Variants in CDON observed in about 807,000 individuals in gnomAD.
CDON encodes cell adhesion molecule-related/down-regulated by oncogenes.
In CDON, 73 loss-of-function variants were observed where a neutral mutation model predicts 120.9. The observed-to-expected ratio is 0.60, with a 90% CI of 0.50 to 0.73. The LOEUF (loss-of-function observed/expected upper bound fraction) is 0.73. CDON is among the 30% of genes least tolerant of loss of function. The probability of loss-of-function intolerance (pLI) is 0.00; values close to 1 mark genes in which losing one functional copy is unlikely to be tolerated. For missense variants in CDON, 1,470 were observed against 1,587.3 expected, an observed-to-expected ratio of 0.93 and a Z score of 1.26; for synonymous variants, 566 against 573.5, an observed-to-expected ratio of 0.99 and a Z score of 0.19.
chr11:125,964,026 G>T (rs1283967086), intron 18 of CDON, among the ~76,000 whole-genome samples: 2 of 152,144 alleles, frequency 1.3e-5, no homozygotes. Context: ...TCTGGATGCT[G>T]GCGAAGGTGA....
chr11:126,051,050 A>G (rs1255233182), intron 1 of CDON, among the ~76,000 whole-genome samples: 1 of 152,114 alleles, frequency 6.6e-6, no homozygotes, highest in Non-Finnish European at 1.5e-5. Context: ...ACATTTCAAC[A>G]TGAAGGAAAA....
At chr11:125,983,813 G>T in intron 16 of CDON, 59 bp downstream of exon 16, 3 of 1,189,926 alleles carry the variant, frequency 2.5e-6, no homozygotes, top group South Asian at 1.3e-5. Flanking sequence ...TATTTATTCT[G>T]ACAATATTTG....
chr11:125,981,548 C>A (rs1946302606), intron 16 of CDON, among the ~76,000 whole-genome samples: 1 of 152,198 alleles, frequency 6.6e-6, no homozygotes, highest in South Asian at 2.1e-4. Flanking sequence ...AAAATGTTCA[C>A]TTAAAGCCTA....
Position 126,001,584 on chromosome 11 carries a change from T to C in CDON, c.2158+135A>G. On this transcript the variant is annotated intron_variant, in intron 11 of 19. Transcript: ENST00000531738. ...AAAGTTTAAATATAGGACATTAAAATTGTTGAAATAGAACCTAAAAGAACT... is the reference window on the plus strand; with the variant it reads ...AAAGTTTAAATATAGGACATTAAAACTGTTGAAATAGAACCTAAAAGAACT... 3 of 718,272 alleles carry C rather than the reference T, an allele frequency of 4.2e-6. 1 individual carries two copies. In the South Asian group the frequency reaches 5.0e-5, roughly 12 times the overall value. The allele number at this position is 718,272 out of a possible 1,614,324, so 44.5% of individuals were successfully genotyped here.
At chr11:125,972,161 C>T (rs1387213840) in intron 18 of CDON, among the ~76,000 whole-genome samples, 1 of 152,244 alleles carries the variant, frequency 6.6e-6, no homozygotes, top group Admixed American at 6.5e-5. Flanking sequence ...CGCGGTAGCT[C>T]GCGCCTGTAA....
intron 1 of CDON, among the ~76,000 whole-genome samples, chr11:126,031,132 T>C (rs1947931552): frequency 6.6e-6 from 1 of 152,190 alleles, no homozygotes; most frequent in Non-Finnish European, 1.5e-5. Flanking sequence ...GGAATTCATC[T>C]TTTATTCAGT....
At chr11:126,044,965 G>A (rs558234270) in intron 1 of CDON, among the ~76,000 whole-genome samples, 4 of 152,170 alleles carry the variant, frequency 2.6e-5, no homozygotes, top group East Asian at 1.9e-4. Context: ...TTATGCCTTC[G>A]TCAAAACATT....
At chr11:126,012,892 T>A (rs1706459572) in intron 7 of CDON, among the ~76,000 whole-genome samples, 1 of 152,238 alleles carries the variant, frequency 6.6e-6, no homozygotes, top group Admixed American at 6.5e-5. Flanking sequence ...CTTTCCTTCT[T>A]TTTCATGTCT....
chr11:126,019,634 G>A lies in CDON; in HGVS notation c.481C>T (p.Leu161=). The A allele has an allele frequency of 6.2e-7, 1 of 1,614,080 alleles. No individual in the cohort carries two copies. The highest frequency in any genetic ancestry group is 1.3e-5 in the African/African-American group (1 of 75,010). ...EVRYKIRGKW[L]EHSTENYLIL... ...AAGGTCTCACCTGTGGAATGTTCCA[G>A]CCATTTTCCCCGGATTTTATAGCGC... Residue 161 remains leucine, a synonymous_variant, in exon 4 of 20, where the codon CTG becomes TTG. Coordinates refer to ENST00000531738, the MANE Select transcript of CDON (RefSeq NM_001378964.1).
intron 18 of CDON, among the ~76,000 whole-genome samples, chr11:125,970,172 G>GTTTTT (rs36021097): frequency 7.8e-5 from 8 of 103,186 alleles, no homozygotes; most frequent in East Asian, 2.8e-4. Context: ...GGTAGTTTAT[G>GTTTTT]TTTTTTTTTT....
At chr11:125,997,916 A>G (rs12280554) in intron 11 of CDON, among the ~76,000 whole-genome samples, 29,025 of 152,186 alleles carry the variant, frequency 0.19, 2,838 homozygotes, top group Non-Finnish European at 0.21. Flanking sequence ...AATACAGACT[A>G]TAAGTGGCAA....
chr11:126,027,797 G>A (rs951507852), intron 1 of CDON, among the ~76,000 whole-genome samples: 1 of 151,280 alleles, frequency 6.6e-6, no homozygotes, highest in Non-Finnish European at 1.5e-5. Context: ...TCCATGATAA[G>A]GACAACCATC....
At chr11:125,966,664 A>G (rs905180249) in intron 18 of CDON, among the ~76,000 whole-genome samples, 28 of 152,204 alleles carry the variant, frequency 1.8e-4, no homozygotes, top group African/African-American at 6.0e-4. Context: ...TACACCGATC[A>G]ATGCCAATAA....
intron 1 of CDON, among the ~76,000 whole-genome samples, chr11:126,047,782 C>T: frequency 6.6e-6 from 1 of 152,170 alleles, no homozygotes. Context: ...CTACCCTAGT[C>T]TAAACTGCTA....
rs777466382 is a variant in CDON, at chr11:126,001,845, T to C, written c.2032A>G (p.Thr678Ala). The C allele has an allele frequency of 6.3e-7, 1 of 1,595,972 alleles. No homozygotes were observed. Among genetic ancestry groups the C allele is most frequent in the South Asian group, 1.1e-5 (1 of 90,786 alleles). Residue 678 changes from threonine (T) to alanine (A), a missense_variant, in exon 11 of 20, where the codon ACA becomes GCA. Thr to Ala is a moderately conservative substitution (Grantham distance 58). Coordinates refer to ENST00000531738, the MANE Select transcript of CDON (RefSeq NM_001378964.1). ...GCCTGGGTGTTTTTTGATGACGCTG[T>C]TTTTTCTAGAAAGGTAAATAAACAT... ...MLTFRTSKEK[T>A]ASSKNTQASS...
intron 1 of CDON, among the ~76,000 whole-genome samples, chr11:126,049,393 T>C (rs1211223712): frequency 6.6e-6 from 1 of 152,174 alleles, no homozygotes; most frequent in Non-Finnish European, 1.5e-5. Flanking sequence ...CTGTAGTATA[T>C]ACATCTCCAG....
chr11:126,015,882 C>T (rs2134662803), intron 6 of CDON, among the ~76,000 whole-genome samples: 1 of 152,256 alleles, frequency 6.6e-6, no homozygotes, highest in East Asian at 1.9e-4. Flanking sequence ...TAAACAGAAG[C>T]CAAAACAGAA....
In CDON at chr11:126,040,134, G is replaced by A. The variant is rs570446055; in HGVS notation, c.-61-16597C>T. Among the ~76,000 whole-genome samples the A allele has an allele frequency of 2.0e-5, 3 of 152,194 alleles. No homozygotes were observed. The South Asian group carries it at 6.2e-4, about 32-fold the overall frequency. On this transcript the variant is annotated intron_variant, in intron 1 of 19. Coordinates refer to ENST00000531738, the MANE Select transcript of CDON (RefSeq NM_001378964.1). ...AAGAGCTAGACTAGCTTACTCACAGGTCACATAAATGCAAAAAAGGTCTTT... is the reference window on the plus strand; with the variant it reads ...AAGAGCTAGACTAGCTTACTCACAGATCACATAAATGCAAAAAAGGTCTTT...
intron 16 of CDON, 49 bp from the exon 17 acceptor site, chr11:125,981,378 GCACACATGCACATACGCACA>G (rs1946295406): frequency 2.6e-6 from 4 of 1,544,768 alleles, no homozygotes; most frequent in African/African-American, 2.8e-5. Flanking sequence ...ACACACGCAC[GCACACATGCACATACGCACA>G]CACGCATGCA....
Sources: gnomAD v4.1 joint callset for allele counts (sites outside exome capture counted in the v4.1 genomes callset) on GRCh38, gnomAD v4.1.1 for gene constraint, MANE v1.5 for transcripts, NCBI Gene and HGNC (gene_info 2026-07-23, HGNC 2026-07-21) for gene names.